The following SUPT3H variants were observed in gnomAD, a reference collection of about 807,000 sequenced individuals.
The protein encoded by SUPT3H is transcription initiation protein SPT3 homolog.
A neutral mutation model predicts 44.3 loss-of-function variants in SUPT3H; 44 were observed. The ratio of observed to expected loss-of-function variants is 0.99; its 90% CI spans 0.78 to 1.28. SUPT3H has a LOEUF of 1.28. Among genes scored for constraint, SUPT3H ranks in the 50% most tolerant of loss-of-function variants. The pLI is 0.00. For synonymous variants in SUPT3H, 124 were observed against 125.6 expected, an observed-to-expected ratio of 0.99 and a Z score of 0.09; for missense variants, 380 against 387.1, an observed-to-expected ratio of 0.98 and a Z score of 0.15.
In SUPT3H at chr6:44,953,291, A is replaced by G; in HGVS notation, c.801+19T>C. ...TCAAAATTCACAAATGTTTTAAGAC[A>G]GATTTTTTTTGTACTTACCTCAGCA... On this transcript the variant is annotated intron_variant, in intron 9 of 10. Transcript: ENST00000371459. The G allele has an allele frequency of 1.3e-6, 2 of 1,597,892 alleles. No individual in the cohort carries two copies. Among genetic ancestry groups the G allele is most frequent in the Non-Finnish European group, 1.7e-6 (2 of 1,165,806 alleles).
intron 10 of SUPT3H, among the ~76,000 whole-genome samples, chr6:44,909,595 A>G (rs995074589): frequency 6.6e-6 from 1 of 152,190 alleles, no homozygotes; most frequent in Non-Finnish European, 1.5e-5. Flanking sequence ...GAATTTTCCT[A>G]TGTACGAAGA....
At chr6:44,914,359 T>C (rs1010395270) in intron 10 of SUPT3H, among the ~76,000 whole-genome samples, 1 of 152,226 alleles carries the variant, frequency 6.6e-6, no homozygotes, top group Non-Finnish European at 1.5e-5. Context: ...TAAACAGGCA[T>C]TTATTAGCTC....
In SUPT3H at chr6:45,020,529, A is replaced by C; in HGVS notation, c.273+17T>G. ...ACAAAACGTGGATTTTAATACAATA[A>C]AATTATGTTATATTACCTTATCTTT... On this transcript the variant is annotated intron_variant, in intron 4 of 10. Coordinates refer to ENST00000371459, the MANE Select transcript of SUPT3H (RefSeq NM_003599.4). The C allele has an allele frequency of 1.3e-6, 2 of 1,592,918 alleles. No individual in the cohort carries two copies. The highest frequency in any genetic ancestry group is 4.5e-5 in the East Asian group (2 of 44,588).
intron 2 of SUPT3H, among the ~76,000 whole-genome samples, chr6:45,110,822 C>A (rs1013626602): frequency 5.9e-5 from 9 of 152,006 alleles, no homozygotes; most frequent in Admixed American, 5.2e-4. Flanking sequence ...TCTACATATC[C>A]CCAGCTGTGA....
chr6:44,969,722 G>C lies in SUPT3H; in HGVS notation c.505-7894C>G, dbSNP rs150321372. Reference sequence around the variant, plus strand: ...CCAAAAGTTCATTTAGGTTTGACCTGCAATTTTCACTGAATTACATCGACT... The same window carrying C: ...CCAAAAGTTCATTTAGGTTTGACCTCCAATTTTCACTGAATTACATCGACT... On this transcript the variant is annotated intron_variant, in intron 6 of 10. Coordinates refer to ENST00000371459, the MANE Select transcript of SUPT3H (RefSeq NM_003599.4). Among the ~76,000 whole-genome samples the C allele has an allele frequency of 3.0e-4, 45 of 152,280 alleles. No homozygotes were observed. The East Asian group carries it at 7.9e-3, about 27-fold the overall frequency.
At chr6:44,836,463 CAT>C (rs1030337745) in intron 10 of SUPT3H, among the ~76,000 whole-genome samples, 14 of 152,106 alleles carry the variant, frequency 9.2e-5, no homozygotes, top group African/African-American at 3.4e-4. Flanking sequence ...GGGAAAAAAA[CAT>C]AGTATTAACT....
At chr6:45,363,382 T>G (rs962206146) in intron 2 of SUPT3H, among the ~76,000 whole-genome samples, 3 of 152,196 alleles carry the variant, frequency 2.0e-5, no homozygotes, top group Non-Finnish European at 4.4e-5. Flanking sequence ...TTTAAAATAC[T>G]TCATATTTTT....
intron 6 of SUPT3H, among the ~76,000 whole-genome samples, chr6:45,000,525 T>C (rs1230986873): frequency 6.6e-6 from 1 of 152,054 alleles, no homozygotes; most frequent in South Asian, 2.1e-4. Context: ...CATGCCACAC[T>C]TGGGCACAAC....
intron 10 of SUPT3H, among the ~76,000 whole-genome samples, chr6:44,832,257 T>C (rs962896143): frequency 2.0e-5 from 3 of 152,176 alleles, no homozygotes; most frequent in African/African-American, 2.4e-5. Flanking sequence ...GTGTTGCAAA[T>C]GTTGAAACTA....
At chr6:45,050,278 AGT>A (rs57510967) in intron 3 of SUPT3H, among the ~76,000 whole-genome samples, 47,238 of 147,240 alleles carry the variant, frequency 0.32, 8,017 homozygotes, top group Non-Finnish European at 0.39. Context: ...CTTTTTCTGC[AGT>A]GTGTGTGTGT....
intron 2 of SUPT3H, among the ~76,000 whole-genome samples, chr6:45,184,469 A>T (rs1449659664): frequency 1.3e-5 from 2 of 152,150 alleles, no homozygotes; most frequent in East Asian, 3.9e-4. Context: ...AATGAGATTT[A>T]ATTTTATTTT....
chr6:45,179,148 C>G (rs1259101330), intron 2 of SUPT3H, among the ~76,000 whole-genome samples: 6 of 152,094 alleles, frequency 3.9e-5, no homozygotes, highest in African/African-American at 7.2e-5. Flanking sequence ...ATAAATTCCT[C>G]GACACGTACA....
intron 2 of SUPT3H, among the ~76,000 whole-genome samples, chr6:45,247,142 A>T (rs1325303787): frequency 2.6e-5 from 4 of 152,224 alleles, no homozygotes; most frequent in African/African-American, 9.6e-5. Flanking sequence ...CTCTGATAAT[A>T]ACGTTGACGA....
At chr6:45,365,393 A>G in intron 1 of SUPT3H, 92 bp from the exon 2 acceptor site, 1 of 804,724 alleles carries the variant, frequency 1.2e-6, no homozygotes, top group Admixed American at 2.6e-5. Flanking sequence ...TACTTCAAAA[A>G]GTAGAGAAAA....
intron 2 of SUPT3H, among the ~76,000 whole-genome samples, chr6:45,300,394 A>C (rs1468607462): frequency 6.6e-6 from 1 of 152,240 alleles, no homozygotes; most frequent in Non-Finnish European, 1.5e-5. Context: ...AGCCACTAGA[A>C]TGACCCTCAA....
At chr6:45,112,423 G>C (rs1007546610) in intron 2 of SUPT3H, among the ~76,000 whole-genome samples, 1 of 151,982 alleles carries the variant, frequency 6.6e-6, no homozygotes, top group African/African-American at 2.4e-5. Context: ...AAAAGGTGGG[G>C]GGTGTTGAAC....
At chr6:45,005,071 TA>T (rs1166029387) in intron 5 of SUPT3H, among the ~76,000 whole-genome samples, 1 of 152,186 alleles carries the variant, frequency 6.6e-6, no homozygotes, top group African/African-American at 2.4e-5. Flanking sequence ...ACTACTGAGT[TA>T]AAAGGTACAA....
intron 3 of SUPT3H, among the ~76,000 whole-genome samples, chr6:45,065,063 A>T (rs1027926364): frequency 6.6e-6 from 1 of 150,948 alleles, no homozygotes; most frequent in Non-Finnish European, 1.5e-5. Context: ...CTGGGAAGTA[A>T]AGCTCTCCTC....
At chr6:45,303,028 C>T (rs182041621) in intron 2 of SUPT3H, among the ~76,000 whole-genome samples, 247 of 152,186 alleles carry the variant, frequency 1.6e-3, no homozygotes, top group African/African-American at 5.4e-3. Context: ...AAAGGATACC[C>T]TATTGAACAA....
Sources: gnomAD v4.1 joint callset for allele counts (sites outside exome capture counted in the v4.1 genomes callset) on GRCh38, gnomAD v4.1.1 for gene constraint, MANE v1.5 for transcripts, NCBI Gene and HGNC (gene_info 2026-07-23, HGNC 2026-07-21) for gene names.